ATL1: variants seen among roughly 807,000 people sequenced by gnomAD.
ATL1 encodes the protein atlastin GTPase 1.
In ATL1, 31 loss-of-function variants were observed where a neutral mutation model predicts 75.5. The observed-to-expected ratio is 0.41, with a 90% CI of 0.31 to 0.55. ATL1 has a LOEUF of 0.55. Among genes scored for constraint, ATL1 ranks in the 20% least tolerant of loss-of-function variants. The probability of loss-of-function intolerance (pLI) is 0.27; values close to 1 mark genes in which losing one functional copy is unlikely to be tolerated. For synonymous variants in ATL1, 226 were observed against 233.3 expected, an observed-to-expected ratio of 0.97 and a Z score of 0.28; for missense variants, 405 against 662.6, an observed-to-expected ratio of 0.61 and a Z score of 4.27.
intron 13 of ATL1, 97 bp downstream of exon 13, chr14:50,630,106 G>T: frequency 1.2e-6 from 1 of 828,876 alleles, no homozygotes; most frequent in East Asian, 2.7e-5. Flanking sequence ...TCTTTATGTA[G>T]ATTAGAACAA....
chr14:50,565,493 A>AAAT (rs545876698), intron 1 of ATL1, among the ~76,000 whole-genome samples: 1 of 151,538 alleles, frequency 6.6e-6, no homozygotes, highest in South Asian at 2.1e-4. Context: ...TCAAAAAAAA[A>AAAT]AAAATTCTAC....
intron 1 of ATL1, among the ~76,000 whole-genome samples, chr14:50,564,009 G>C (rs1480453531): frequency 6.6e-6 from 1 of 152,132 alleles, no homozygotes; most frequent in African/African-American, 2.4e-5. Flanking sequence ...TCCATGCGAT[G>C]AGGACAAGGA....
intron 1 of ATL1, among the ~76,000 whole-genome samples, chr14:50,566,759 A>C (rs772401007): frequency 3.7e-4 from 56 of 152,108 alleles, no homozygotes; most frequent in Non-Finnish European, 1.3e-4. Flanking sequence ...CACTTTTTGC[A>C]TGACTTTGAT....
chr14:50,587,593 A>G (rs895161151), intron 1 of ATL1, among the ~76,000 whole-genome samples: 3 of 151,440 alleles, frequency 2.0e-5, no homozygotes, highest in Admixed American at 1.3e-4. Context: ...AATTTTTTGT[A>G]TAGACAGGAT....
At chr14:50,548,943 C>A (rs951069024) in intron 1 of ATL1, among the ~76,000 whole-genome samples, 8 of 152,194 alleles carry the variant, frequency 5.3e-5, no homozygotes, top group African/African-American at 1.9e-4. Flanking sequence ...AAACTGCCTA[C>A]CCCATAAAAG....
chr14:50,628,919 T>C (rs1045268831), intron 12 of ATL1, among the ~76,000 whole-genome samples: 1 of 152,134 alleles, frequency 6.6e-6, no homozygotes, highest in African/African-American at 2.4e-5. Flanking sequence ...GGTTTCACCA[T>C]GTTGGCCAGG....
chr14:50,562,402 G>A (rs1484521054), intron 1 of ATL1, among the ~76,000 whole-genome samples: 3 of 152,030 alleles, frequency 2.0e-5, no homozygotes, highest in East Asian at 1.9e-4. Flanking sequence ...TCTCACATCC[G>A]GTTTTCATAA....
chr14:50,537,283 G>A (rs1027723375), intron 1 of ATL1, among the ~76,000 whole-genome samples: 8 of 152,220 alleles, frequency 5.3e-5, no homozygotes, highest in African/African-American at 1.9e-4. Context: ...GAGCCTTCTA[G>A]TACACAGAAG....
intron 6 of ATL1, among the ~76,000 whole-genome samples, chr14:50,611,075 C>T (rs2039361542): frequency 6.6e-6 from 1 of 151,976 alleles, no homozygotes; most frequent in Non-Finnish European, 1.5e-5. Context: ...CTGACTTGCA[C>T]TGGTGTTGCT....
At chr14:50,562,875 A>G (rs2038864666) in intron 1 of ATL1, among the ~76,000 whole-genome samples, 1 of 152,194 alleles carries the variant, frequency 6.6e-6, no homozygotes, top group African/African-American at 2.4e-5. Flanking sequence ...GTCAGTCTTA[A>G]TTCCATTTTA....
At chr14:50,573,312 C>T (rs1038494679) in intron 1 of ATL1, among the ~76,000 whole-genome samples, 16 of 152,060 alleles carry the variant, frequency 1.1e-4, no homozygotes, top group African/African-American at 3.6e-4. Context: ...TATTTTGTAT[C>T]GCACCACTTT....
chr14:50,605,491 CA>C (rs1481024824), intron 6 of ATL1, among the ~76,000 whole-genome samples: 1 of 151,734 alleles, frequency 6.6e-6, no homozygotes, highest in Non-Finnish European at 1.5e-5. Flanking sequence ...GTTTTTTCTT[CA>C]ATATTCATAT....
intron 4 of ATL1, among the ~76,000 whole-genome samples, chr14:50,592,394 A>G (rs184089003): frequency 1.2e-3 from 180 of 152,304 alleles, no homozygotes; most frequent in Non-Finnish European, 1.6e-3. Context: ...TGAGTGAGTC[A>G]AGACTAAAAT....
At chr14:50,610,432 C>A (rs2039354993) in intron 6 of ATL1, among the ~76,000 whole-genome samples, 1 of 152,044 alleles carries the variant, frequency 6.6e-6, no homozygotes. Context: ...AGAAGATATG[C>A]TCAAGAATGT....
At chr14:50,627,605 T>TA (rs1320830281) in intron 11 of ATL1, among the ~76,000 whole-genome samples, 1 of 152,240 alleles carries the variant, frequency 6.6e-6, no homozygotes, top group African/African-American at 2.4e-5. Context: ...GAGAGCTTTA[T>TA]AGCATTGATC....
At chr14:50,571,787 CA>C (rs1227426187) in intron 1 of ATL1, 1 of 159,188 alleles carries the variant, frequency 6.3e-6, no homozygotes, top group South Asian at 2.0e-4. Flanking sequence ...TTGACTATTA[CA>C]AAAGTTTATT....
At chr14:50,619,434 C>T (rs749200396) in intron 8 of ATL1, among the ~76,000 whole-genome samples, 1 of 152,070 alleles carries the variant, frequency 6.6e-6, no homozygotes, top group African/African-American at 2.4e-5. Flanking sequence ...GACTCCTGAC[C>T]TCAAATGATC....
chr14:50,629,185 TTC>T (rs1461993819), intron 12 of ATL1, among the ~76,000 whole-genome samples: 5 of 152,242 alleles, frequency 3.3e-5, no homozygotes, highest in Admixed American at 2.0e-4. Context: ...TGTCATATCA[TTC>T]TCTTTTTTAG....
intron 4 of ATL1, among the ~76,000 whole-genome samples, chr14:50,592,693 C>T (rs1050961808): frequency 3.3e-5 from 5 of 151,594 alleles, no homozygotes; most frequent in African/African-American, 7.3e-5. Flanking sequence ...GGGCGGATCA[C>T]GAGGTCAGGA....
Sources: gnomAD v4.1 joint callset for allele counts (sites outside exome capture counted in the v4.1 genomes callset) on GRCh38, gnomAD v4.1.1 for gene constraint, MANE v1.5 for transcripts, NCBI Gene and HGNC (gene_info 2026-07-23, HGNC 2026-07-21) for gene names.